The following CALN1 variants were observed in gnomAD, a reference collection of about 807,000 sequenced individuals.
The protein encoded by CALN1 is calneuron 1.
In CALN1, 17 loss-of-function variants were observed where a neutral mutation model predicts 30.6. The ratio of observed to expected loss-of-function variants is 0.56; its 90% confidence interval spans 0.38 to 0.83. CALN1 has a LOEUF of 0.83. Ranked by LOEUF, CALN1 falls within the 40% of genes least tolerant of loss-of-function variation. CALN1 has a pLI of 0.00. For synonymous variants in CALN1, 156 were observed against 131.4 expected (o/e 1.19, Z -1.28); for missense variants, 291 against 354.9 (o/e 0.82, Z 1.45).
intron 2 of CALN1, among the ~76,000 whole-genome samples, chr7:72,287,022 T>C (rs988922702): frequency 1.3e-5 from 2 of 151,940 alleles, no homozygotes; most frequent in Non-Finnish European, 2.9e-5. Flanking sequence ...AAAGGAGAAA[T>C]GCAAAAACAG....
At chr7:72,218,182 C>G in intron 3 of CALN1, among the ~76,000 whole-genome samples, 1 of 151,912 alleles carries the variant, frequency 6.6e-6, no homozygotes, top group East Asian at 2.0e-4. Flanking sequence ...GGCGCAGTGG[C>G]TCATGCTTGC....
At chr7:72,261,881 C>A (rs948463002) in intron 3 of CALN1, among the ~76,000 whole-genome samples, 3 of 152,124 alleles carry the variant, frequency 2.0e-5, no homozygotes, top group Non-Finnish European at 4.4e-5. Context: ...TGAATGTTAA[C>A]CAGATGACGT....
the CALN1 span, among the ~76,000 whole-genome samples, chr7:72,467,405 G>GA: frequency 6.6e-6 from 1 of 152,192 alleles, no homozygotes; most frequent in African/African-American, 2.4e-5. Flanking sequence ...GCTGTAAGAG[G>GA]AATGAGTGTT....
intron 5 of CALN1, among the ~76,000 whole-genome samples, chr7:71,897,815 A>C (rs1460437028): frequency 3.3e-5 from 5 of 151,850 alleles, no homozygotes; most frequent in Admixed American, 1.3e-4. Context: ...CAGCAAAAAC[A>C]GCAGAGAACA....
In CALN1 at chr7:72,097,609, A is replaced by AC. The variant is rs146718525; in HGVS notation, c.388+8541dup. Among the ~76,000 whole-genome samples the AC allele has an allele frequency of 7.0e-3, 1,053 of 151,450 alleles. 10 individuals are homozygous for AC. The highest frequency in any genetic ancestry group is 0.025 in the African/African-American group (1,025 of 41,220). ...AATCACTTGAAGCCAGAAGTTCAAG[A>AC]CAGCCTGAGCAACAAAGTGAGACCC... On this transcript the variant is annotated intron_variant, in intron 4 of 6. Transcript: ENST00000395275.
the CALN1 span, among the ~76,000 whole-genome samples, chr7:72,460,009 A>C: frequency 6.6e-6 from 1 of 152,236 alleles, no homozygotes; most frequent in Non-Finnish European, 1.5e-5. Flanking sequence ...CATCTGGGAA[A>C]GCTTCAGAAA....
At chr7:72,301,754 C>T (rs951269204) in intron 2 of CALN1, among the ~76,000 whole-genome samples, 2 of 152,042 alleles carry the variant, frequency 1.3e-5, no homozygotes, top group Non-Finnish European at 2.9e-5. Flanking sequence ...ACAATGAAGC[C>T]TACTGGTCAA....
At chr7:71,793,518 T>C (rs918163506) in intron 6 of CALN1, among the ~76,000 whole-genome samples, 24 of 152,146 alleles carry the variant, frequency 1.6e-4, no homozygotes, top group Admixed American at 1.0e-3. Flanking sequence ...CTGTGTGACT[T>C]TGAGCAAGCA....
chr7:72,403,754 T>TATAGCCGCCA (rs1294163572), intron 1 of CALN1, among the ~76,000 whole-genome samples: 1 of 152,212 alleles, frequency 6.6e-6, no homozygotes, highest in Non-Finnish European at 1.5e-5. Flanking sequence ...TGGAGAAAGC[T>TATAGCCGCCA]ATAGCCGCCA....
intron 3 of CALN1, among the ~76,000 whole-genome samples, chr7:72,278,323 A>G (rs1361626042): frequency 6.6e-6 from 1 of 152,230 alleles, no homozygotes; most frequent in Non-Finnish European, 1.5e-5. Context: ...CTCCATTGTC[A>G]GTGACAACAC....
chr7:72,411,422 T>TA (rs1807138418), intron 1 of CALN1, among the ~76,000 whole-genome samples: 1 of 152,204 alleles, frequency 6.6e-6, no homozygotes, highest in African/African-American at 2.4e-5. Flanking sequence ...AAAAGAGCTG[T>TA]AAATATAACA....
intron 5 of CALN1, among the ~76,000 whole-genome samples, chr7:71,996,263 G>A (rs954291487): frequency 5.3e-5 from 8 of 152,162 alleles, no homozygotes; most frequent in East Asian, 1.9e-4. Flanking sequence ...AAATATCTGC[G>A]ATAATAATAG....
At chr7:72,180,318 T>C (rs536276597) in intron 3 of CALN1, among the ~76,000 whole-genome samples, 15 of 152,268 alleles carry the variant, frequency 9.9e-5, no homozygotes, top group South Asian at 4.2e-4. Flanking sequence ...ATGCCAACTA[T>C]AGTGACAACT....
rs368931032 is a variant in CALN1 at position 72,026,084 on chromosome 7, C to T, written c.389-2315G>A. On this transcript the variant is annotated intron_variant, in intron 4 of 6. Transcript: ENST00000395275. ...CTAAAATTTCACTCTTGCTGGTAATCGTAAGAAAGCTAATTCAAGCAACGA... is the reference window on the plus strand; with the variant it reads ...CTAAAATTTCACTCTTGCTGGTAATTGTAAGAAAGCTAATTCAAGCAACGA... Among the ~76,000 whole-genome samples the T allele has an allele frequency of 3.9e-5, 6 of 152,258 alleles. No homozygotes were observed. The East Asian group carries it at 5.8e-4, about 15-fold the overall frequency.
the CALN1 span, among the ~76,000 whole-genome samples, chr7:72,457,757 CTTTTT>C: frequency 2.2e-5 from 3 of 135,712 alleles, no homozygotes; most frequent in African/African-American, 2.8e-5. Context: ...CCTTCTTATT[CTTTTT>C]TTTTTTTTTT....
intron 2 of CALN1, among the ~76,000 whole-genome samples, chr7:72,348,384 G>T (rs540806465): frequency 6.6e-6 from 1 of 152,114 alleles, no homozygotes; most frequent in African/African-American, 2.4e-5. Flanking sequence ...AGAACACAGG[G>T]GTCTCACTAA....
chr7:72,368,550 T>C lies in CALN1; in HGVS notation c.119+34701A>G, dbSNP rs1477882957. On this transcript the variant is annotated intron_variant, in intron 2 of 6. Transcript: ENST00000395275. Reference sequence around the variant, plus strand: ...AGAAATGAAAATGTCTACTGAACATTCAACTCAAGAAATAAGAAAAATCAT... The same window carrying C: ...AGAAATGAAAATGTCTACTGAACATCCAACTCAAGAAATAAGAAAAATCAT... Among the ~76,000 whole-genome samples the C allele has an allele frequency of 2.0e-5, 3 of 151,826 alleles. No homozygotes were observed. In the East Asian group the frequency reaches 5.8e-4, roughly 29 times the overall value.
At chr7:72,230,841 T>C (rs1470791279) in intron 3 of CALN1, among the ~76,000 whole-genome samples, 1 of 152,208 alleles carries the variant, frequency 6.6e-6, no homozygotes, top group Non-Finnish European at 1.5e-5. Flanking sequence ...CACAGTCGTT[T>C]CCCCATCACC....
intron 2 of CALN1, among the ~76,000 whole-genome samples, chr7:72,313,036 T>C (rs1300754605): frequency 6.6e-6 from 1 of 152,132 alleles, no homozygotes; most frequent in African/African-American, 2.4e-5. Flanking sequence ...GGTTTCACCA[T>C]GTTGGCCAGG....
Sources: gnomAD v4.1 joint callset for allele counts (sites outside exome capture counted in the v4.1 genomes callset) on GRCh38, gnomAD v4.1.1 for gene constraint, MANE v1.5 for transcripts, NCBI Gene and HGNC (gene_info 2026-07-23, HGNC 2026-07-21) for gene names.